The following OTUD7B variants were observed in gnomAD, a reference collection of about 807,000 sequenced individuals.
OTUD7B encodes the protein OTU deubiquitinase 7B.
In OTUD7B, 34 loss-of-function variants were observed where a neutral mutation model predicts 82.2. The observed-to-expected ratio is 0.41, with a 90% confidence interval of 0.31 to 0.55. The LOEUF (loss-of-function observed/expected upper bound fraction) is 0.55. OTUD7B is among the 20% of genes least tolerant of loss of function. The pLI is 0.20. For missense variants in OTUD7B, 944 were observed against 1,062.1 expected (o/e 0.89, Z 1.55); for synonymous variants, 398 against 402.7 (o/e 0.99, Z 0.14).
intron 1 of OTUD7B, among the ~76,000 whole-genome samples, chr1:149,996,682 A>G (rs1651947159): frequency 6.6e-6 from 1 of 152,254 alleles, no homozygotes; most frequent in African/African-American, 2.4e-5. Flanking sequence ...AAGGTTGCAT[A>G]ACAGTATCTA....
chr1:149,964,476 C>T (rs1350500390), intron 5 of OTUD7B, 127 bp from the exon 6 acceptor site: 2 of 769,168 alleles, frequency 2.6e-6, no homozygotes, highest in African/African-American at 1.7e-5. Flanking sequence ...AAGTGACCCC[C>T]CTGCCTTACC....
chr1:149,972,826 G>A (rs1400538580), intron 2 of OTUD7B, among the ~76,000 whole-genome samples: 1 of 152,156 alleles, frequency 6.6e-6, no homozygotes, highest in Non-Finnish European at 1.5e-5. Context: ...ACTTCCAACT[G>A]TCTGCAAATC....
Position 149,943,001 on chromosome 1 carries a change from G to A in OTUD7B, c.*856C>T, listed in dbSNP as rs1369846784. 3 of 152,396 alleles carry A rather than the reference G, an allele frequency of 2.0e-5. No homozygotes were observed. Among genetic ancestry groups the A allele is most frequent in the Non-Finnish European group, 4.4e-5 (3 of 68,008 alleles). The allele number at this position is 152,396 out of a possible 1,614,324, so 9.4% of individuals were successfully genotyped here. A position where few individuals can be genotyped will look rare whatever the true frequency, so the allele number is the denominator to read the frequency against. Reference sequence around the variant, plus strand: ...AAGGTGCACTCAAACCCCAACGTATGGTTATTGCTGTGGTTAAAAAATAGA... The same window carrying A: ...AAGGTGCACTCAAACCCCAACGTATAGTTATTGCTGTGGTTAAAAAATAGA... On this transcript the variant is annotated 3_prime_UTR_variant, in exon 12 of 12. Coordinates refer to ENST00000581312, the MANE Select transcript of OTUD7B (RefSeq NM_020205.4).
Position 149,944,762 on chromosome 1 carries a change from T to C in OTUD7B, c.1627A>G (p.Ser543Gly). ...GGVGTGLGGS[S>G]GTETLEKKKK... ...TTCTTCTCCAGTGTCTCAGTGCCGC[T>C]GCTTCCTCCCAACCCTGTCCCCACC... Residue 543 changes from serine (S) to glycine (G), a missense_variant, in exon 12 of 12, where the codon AGC becomes GGC. By Grantham distance (56) the Ser-to-Gly change is moderately conservative. Transcript: ENST00000581312. 6.2e-7 allele frequency: 1 copy of C among 1,614,104 alleles called. No homozygotes were observed. Among genetic ancestry groups the C allele is most frequent in the Non-Finnish European group, 8.5e-7 (1 of 1,180,030 alleles).
chr1:149,974,059 A>G (rs1650119807), intron 2 of OTUD7B, among the ~76,000 whole-genome samples: 2 of 151,466 alleles, frequency 1.3e-5, no homozygotes, highest in Non-Finnish European at 1.5e-5. Context: ...GGGTTTCACC[A>G]TCTTGGCCAG....
chr1:149,999,589 C>T (rs1652144385), intron 1 of OTUD7B, among the ~76,000 whole-genome samples: 1 of 152,184 alleles, frequency 6.6e-6, no homozygotes, highest in South Asian at 2.1e-4. Context: ...TGGAGCTAGG[C>T]ATGGTGGCAC....
Position 149,938,814 on chromosome 1 carries a change from C to A in OTUD7B, c.*5043G>T, listed in dbSNP as rs1358654498. On this transcript the variant is annotated 3_prime_UTR_variant, in exon 12 of 12. Transcript: ENST00000581312. ...AGGCATGGTGGTAGGCTCCTGTAAT[C>A]CCAGCTACTCGGGAGCCTGAGGCAG... The A allele has an allele frequency of 7.0e-6, 1 of 143,138 alleles. No homozygotes were observed. Among genetic ancestry groups the A allele is most frequent in the African/African-American group, 2.6e-5 (1 of 37,888 alleles). The allele number at this position is 143,138 out of a possible 1,614,324, so 8.9% of individuals were successfully genotyped here. A position where few individuals can be genotyped will look rare whatever the true frequency, so the allele number is the denominator to read the frequency against.
the OTUD7B span, among the ~76,000 whole-genome samples, chr1:150,021,696 G>A: frequency 6.6e-6 from 1 of 152,208 alleles, no homozygotes; most frequent in Non-Finnish European, 1.5e-5. Flanking sequence ...CCAAGTTCTA[G>A]TGCTCAGTGA....
chr1:149,967,261 G>A, intron 4 of OTUD7B, 33 bp downstream of exon 4: 4 of 1,479,160 alleles, frequency 2.7e-6, no homozygotes, highest in Non-Finnish European at 3.8e-6. Context: ...GGAGAGTAGA[G>A]GGAAGAGTGT....
the OTUD7B span, among the ~76,000 whole-genome samples, chr1:150,030,689 C>T: frequency 6.6e-6 from 1 of 152,208 alleles, no homozygotes; most frequent in Non-Finnish European, 1.5e-5. Flanking sequence ...ACTTCCTCAA[C>T]TCCCATTTGC....
chr1:149,968,874 C>A (rs1383421335), intron 3 of OTUD7B, among the ~76,000 whole-genome samples: 1 of 148,214 alleles, frequency 6.7e-6, no homozygotes, highest in Non-Finnish European at 1.5e-5. Flanking sequence ...CCACACCCAG[C>A]TAATTTTTTT....
At chr1:150,002,365 A>C (rs899669790) in intron 1 of OTUD7B, among the ~76,000 whole-genome samples, 1 of 152,198 alleles carries the variant, frequency 6.6e-6, no homozygotes, top group Non-Finnish European at 1.5e-5. Flanking sequence ...AAATACCTTG[A>C]CATTCTTCTA....
the OTUD7B span, among the ~76,000 whole-genome samples, chr1:150,026,213 C>T: frequency 5.9e-5 from 9 of 152,168 alleles, no homozygotes; most frequent in African/African-American, 2.2e-4. Context: ...TGGATCAGAA[C>T]ATGATCACAC....
intron 1 of OTUD7B, among the ~76,000 whole-genome samples, chr1:150,004,861 T>C (rs1429267736): frequency 6.6e-6 from 1 of 152,060 alleles, no homozygotes; most frequent in Non-Finnish European, 1.5e-5. Flanking sequence ...ACTTATTCAT[T>C]TATTTTTTTA....
chr1:149,995,436 A>G (rs145817396), intron 1 of OTUD7B, among the ~76,000 whole-genome samples: 1,704 of 152,152 alleles, frequency 0.011, 38 homozygotes, highest in African/African-American at 0.039. Flanking sequence ...AAAATTAGCC[A>G]GGCATGGTAG....
chr1:149,948,719 A>G (rs1469169438), intron 10 of OTUD7B, among the ~76,000 whole-genome samples: 2 of 152,172 alleles, frequency 1.3e-5, no homozygotes, highest in African/African-American at 4.8e-5. Context: ...TCAGTGTATG[A>G]ACACTTTTCC....
chr1:149,946,599 G>A lies in OTUD7B; in HGVS notation c.1323+652C>T, dbSNP rs587657409. 2.2e-3 allele frequency among the ~76,000 whole-genome samples: 334 copies of A among 151,716 alleles called. 2 individuals are homozygous for A. Among genetic ancestry groups the A allele is most frequent in the Non-Finnish European group, 2.3e-3 (156 of 67,930 alleles). On this transcript the variant is annotated intron_variant, in intron 11 of 11. Coordinates refer to ENST00000581312, the MANE Select transcript of OTUD7B (RefSeq NM_020205.4). The stretch of plus-strand genomic sequence containing the variant: ...TCTACTAAAAATACAAAAATCAGCC[G>A]GGTGTGGTGGCGCACGTCTGTAATC...
chr1:150,045,621 T>C, the OTUD7B span, among the ~76,000 whole-genome samples: 30 of 152,252 alleles, frequency 2.0e-4, no homozygotes, highest in Non-Finnish European at 3.2e-4. Flanking sequence ...TCAAATACTT[T>C]TAATTAGATA....
Position 150,003,173 on chromosome 1 carries a change from C to G in OTUD7B, c.-67+7275G>C, listed in dbSNP as rs587771548. 1.8e-3 allele frequency among the ~76,000 whole-genome samples: 278 copies of G among 151,422 alleles called. 1 individual carries two copies. Among genetic ancestry groups the G allele is most frequent in the Middle Eastern group, 6.8e-3 (2 of 294 alleles). ...GCTGAGGCAGGAGAATGGCGTGAACCCGGGAGGCGGAGCTTGCAGTGAGCT... is the reference window on the plus strand; with the variant it reads ...GCTGAGGCAGGAGAATGGCGTGAACGCGGGAGGCGGAGCTTGCAGTGAGCT... On this transcript the variant is annotated intron_variant, in intron 1 of 11. Coordinates refer to ENST00000581312, the MANE Select transcript of OTUD7B (RefSeq NM_020205.4).
Sources: allele counts gnomAD v4.1 joint callset (sites outside exome capture counted in the v4.1 genomes callset), GRCh38; gene constraint gnomAD v4.1.1; transcripts MANE v1.5; gene names NCBI Gene and HGNC (gene_info 2026-07-23, HGNC 2026-07-21).